Variants in RMDN3 observed in about 807,000 individuals in gnomAD.
RMDN3 encodes the protein regulator of microtubule dynamics 3.
In RMDN3, 41 loss-of-function variants were observed where a neutral mutation model predicts 61.8. The ratio of observed to expected loss-of-function variants is 0.66; its 90% confidence interval spans 0.52 to 0.86. The LOEUF is 0.86. RMDN3 is among the 40% of genes least tolerant of loss of function. The pLI is 0.00. For missense variants in RMDN3, 557 were observed against 585.3 expected (o/e 0.95, Z 0.50); for synonymous variants, 247 against 232.0 (o/e 1.06, Z -0.59).
intron 6 of RMDN3, among the ~76,000 whole-genome samples, chr15:40,743,162 T>C (rs1897348476): frequency 6.6e-6 from 1 of 152,186 alleles, no homozygotes; most frequent in Non-Finnish European, 1.5e-5. Flanking sequence ...GGTTTATGCC[T>C]GTTATCCCAG....
chr15:40,737,847 C>A, intron 9 of RMDN3, 118 bp downstream of exon 9: 1 of 1,436,690 alleles, frequency 7.0e-7, no homozygotes, highest in South Asian at 1.2e-5. Flanking sequence ...ATAATACGAG[C>A]ATTCAGAAGA....
intron 5 of RMDN3, 113 bp from the exon 6 acceptor site, chr15:40,744,262 C>A: frequency 1.1e-6 from 1 of 897,172 alleles, no homozygotes; most frequent in South Asian, 1.4e-5. Context: ...ATGTTACAGT[C>A]ATCAATATCA....
chr15:40,740,907 G>A (rs1232695281), intron 6 of RMDN3, among the ~76,000 whole-genome samples: 1 of 151,952 alleles, frequency 6.6e-6, no homozygotes, highest in Non-Finnish European at 1.5e-5. Context: ...GCAACATGGT[G>A]AAACCCTGCC....
rs1279950550 is a variant in RMDN3, at chr15:40,737,162, TCCA to T, written c.1318_1320del (p.Trp440del). 1 of 1,614,238 alleles carries T rather than the reference TCCA, an allele frequency of 6.2e-7. No homozygotes were observed. The highest frequency in any genetic ancestry group is 8.5e-7 in the Non-Finnish European group (1 of 1,180,044). Reference sequence around the variant, plus strand: ...TCTGGCAGCTCCAGGGCCAACTTCATCCACCATCTAGCTTCAGAGTTTTTCCCT... The same window carrying T: ...TCTGGCAGCTCCAGGGCCAACTTCATCCATCTAGCTTCAGAGTTTTTCCCT... On this transcript the variant is annotated inframe_deletion, in exon 12 of 13. Transcript: ENST00000338376.
Position 40,755,231 on chromosome 15 carries a change from C to G in RMDN3, c.-156G>C, listed in dbSNP as rs1324319145. The G allele has an allele frequency of 1.3e-5, 2 of 153,394 alleles. No homozygotes were observed. Among genetic ancestry groups the G allele is most frequent in the African/African-American group, 2.4e-5 (1 of 41,474 alleles). 9.5% of individuals were successfully genotyped at this position (153,394 alleles called of 1,614,324 possible). ...CCAGCCACCATGGCAGCAGCCGCCG[C>G]GGGCTCACGCTGTCAGTGACCGTGA... is the stretch of plus-strand genomic sequence containing the variant. On this transcript the variant is annotated 5_prime_UTR_variant, in exon 1 of 13. Coordinates refer to ENST00000338376, the MANE Select transcript of RMDN3 (RefSeq NM_018145.3).
intron 12 of RMDN3, 80 bp downstream of exon 12, chr15:40,737,044 G>A (rs760922994): frequency 1.9e-5 from 21 of 1,107,626 alleles, no homozygotes; most frequent in Non-Finnish European, 2.6e-5. Flanking sequence ...GTAGAGATGG[G>A]GTTTCTCCAT....
At chr15:40,746,079 G>A (rs897720250) in intron 4 of RMDN3, among the ~76,000 whole-genome samples, 5 of 152,324 alleles carry the variant, frequency 3.3e-5, no homozygotes, top group Admixed American at 2.6e-4. Flanking sequence ...CTCCTAAGGA[G>A]CCCCAACCCT....
chr15:40,743,515 C>G (rs1897364587), intron 6 of RMDN3, among the ~76,000 whole-genome samples: 1 of 152,110 alleles, frequency 6.6e-6, no homozygotes, highest in Admixed American at 6.6e-5. Flanking sequence ...CAGCAGGACA[C>G]ATCAGTCTCT....
At chr15:40,738,369 G>A (rs1897146507) in intron 8 of RMDN3, 132 bp downstream of exon 8, 1 of 824,210 alleles carries the variant, frequency 1.2e-6, no homozygotes, top group Non-Finnish European at 1.9e-6. Flanking sequence ...GCGATAGAGT[G>A]AGACTCTGTC....
intron 4 of RMDN3, among the ~76,000 whole-genome samples, chr15:40,749,651 C>T (rs1186435954): frequency 6.6e-6 from 1 of 152,234 alleles, no homozygotes; most frequent in Non-Finnish European, 1.5e-5. Flanking sequence ...AAGTGGCCTG[C>T]TTCCTTGGGT....
intron 6 of RMDN3, among the ~76,000 whole-genome samples, chr15:40,741,122 C>T (rs897806898): frequency 3.3e-5 from 5 of 152,048 alleles, no homozygotes; most frequent in Non-Finnish European, 7.4e-5. Context: ...GAAATTGTCC[C>T]CAACAGACCT....
At chr15:40,746,936 C>T (rs532463492) in intron 4 of RMDN3, among the ~76,000 whole-genome samples, 2 of 151,994 alleles carry the variant, frequency 1.3e-5, no homozygotes, top group South Asian at 2.1e-4. Flanking sequence ...CATTAGATTT[C>T]GTAACCAACC....
At chr15:40,741,084 A>G (rs1897257919) in intron 6 of RMDN3, among the ~76,000 whole-genome samples, 1 of 94,570 alleles carries the variant, frequency 1.1e-5, no homozygotes, top group Non-Finnish European at 2.0e-5. Flanking sequence ...CCTCAAAAAA[A>G]ACAACAACAA....
chr15:40,751,905 C>T, intron 3 of RMDN3, 81 bp downstream of exon 3: 2 of 1,435,566 alleles, frequency 1.4e-6, no homozygotes, highest in Non-Finnish European at 1.9e-6. Flanking sequence ...TCTTTAGAGA[C>T]AGACAGCGAA....
At chr15:40,744,706 C>G (rs1897437761) in intron 5 of RMDN3, among the ~76,000 whole-genome samples, 1 of 151,734 alleles carries the variant, frequency 6.6e-6, no homozygotes, top group Non-Finnish European at 1.5e-5. Flanking sequence ...TCTGCAGTAG[C>G]TCTACAGAAA....
chr15:40,748,929 A>C (rs1269232925), intron 4 of RMDN3, among the ~76,000 whole-genome samples: 1 of 146,068 alleles, frequency 6.8e-6, no homozygotes, highest in Non-Finnish European at 1.5e-5. Flanking sequence ...TTTGAGACAG[A>C]GTACTGCTCT....
chr15:40,740,590 G>C (rs1897242068), intron 6 of RMDN3, among the ~76,000 whole-genome samples: 2 of 152,146 alleles, frequency 1.3e-5, no homozygotes. Context: ...AGGTTGCAGT[G>C]AGCCGAGATT....
intron 6 of RMDN3, among the ~76,000 whole-genome samples, chr15:40,741,620 ATTTTTTTTTTTTTT>A (rs553262858): frequency 1.4e-5 from 1 of 71,724 alleles, no homozygotes; most frequent in Non-Finnish European, 2.5e-5. Context: ...GCAACATAGG[ATTTTTTTTTTTTTT>A]TTTTTTTTTT....
In RMDN3 at chr15:40,736,586, A is replaced by G. The variant is rs1184905060; in HGVS notation, c.1368T>C (p.Ala456=). ...ELPDVTKEDL[A]IQKDLEELEV... Reference sequence around the variant, plus strand: ...CCAGTTCTTCCAGGTCCTTCTGGATAGCCAAATCCTAGGGAGACAAAGAAC... The same window carrying G: ...CCAGTTCTTCCAGGTCCTTCTGGATGGCCAAATCCTAGGGAGACAAAGAAC... Residue 456 remains alanine, a synonymous_variant, in exon 13 of 13, where the codon GCT becomes GCC. Coordinates refer to ENST00000338376, the MANE Select transcript of RMDN3 (RefSeq NM_018145.3). The G allele has an allele frequency of 6.2e-7, 1 of 1,613,986 alleles. No homozygotes were observed. Among genetic ancestry groups the G allele is most frequent in the African/African-American group, 1.3e-5 (1 of 75,034 alleles).
Sources: allele counts gnomAD v4.1 joint callset (sites outside exome capture counted in the v4.1 genomes callset), GRCh38; gene constraint gnomAD v4.1.1; transcripts MANE v1.5; gene names NCBI Gene and HGNC (gene_info 2026-07-23, HGNC 2026-07-21).